The following TFDP2 variants were observed in gnomAD, a reference collection of about 807,000 sequenced individuals.
TFDP2 encodes transcription factor Dp-2 (E2F dimerization partner 2).
In TFDP2, 17 loss-of-function variants were observed where a neutral mutation model predicts 59.3. The ratio of observed to expected loss-of-function variants is 0.29; its 90% confidence interval spans 0.20 to 0.43. The LOEUF (loss-of-function observed/expected upper bound fraction) is 0.43, where lower values mean the gene tolerates loss of function less well. Among genes scored for constraint, TFDP2 ranks in the 20% least tolerant of loss-of-function variants. The pLI, the probability that TFDP2 is intolerant of heterozygous loss-of-function variation, is 1.00. For synonymous variants in TFDP2, 180 were observed against 194.7 expected (o/e 0.92, Z 0.63); for missense variants, 391 against 528.8 (o/e 0.74, Z 2.56).
chr3:142,029,770 A>T (rs1417383220), intron 3 of TFDP2, among the ~76,000 whole-genome samples: 1 of 152,234 alleles, frequency 6.6e-6, no homozygotes, highest in Non-Finnish European at 1.5e-5. Flanking sequence ...CAAACACTCC[A>T]ATCAACAACA....
chr3:142,002,317 G>GTTTTTT (rs750047190), intron 4 of TFDP2, among the ~76,000 whole-genome samples: 21 of 106,834 alleles, frequency 2.0e-4, no homozygotes, highest in East Asian at 2.7e-4. Flanking sequence ...TATTTTTAGT[G>GTTTTTT]TTTTTTTTTT....
At chr3:141,974,294 G>T in intron 7 of TFDP2, 103 bp from the exon 8 acceptor site, 1 of 1,037,750 alleles carries the variant, frequency 9.6e-7, no homozygotes, top group Non-Finnish European at 1.3e-6. Flanking sequence ...AGTGCTGGAA[G>T]GATTCTATTT....
At chr3:142,050,336 CA>C (rs1322507987) in intron 3 of TFDP2, among the ~76,000 whole-genome samples, 2 of 151,820 alleles carry the variant, frequency 1.3e-5, no homozygotes, top group African/African-American at 4.8e-5. Flanking sequence ...ACTCTTATCC[CA>C]GACACCTATC....
chr3:142,137,281 G>A (rs1353161934), intron 1 of TFDP2, among the ~76,000 whole-genome samples: 2 of 152,172 alleles, frequency 1.3e-5, no homozygotes, highest in East Asian at 1.9e-4. Context: ...GAGGTTTTGG[G>A]CTGAGACGAT....
chr3:141,968,385 T>TATATATAATATATATATC (rs1938554496), intron 9 of TFDP2, among the ~76,000 whole-genome samples: 2 of 113,360 alleles, frequency 1.8e-5, no homozygotes, highest in Admixed American at 1.1e-4. Context: ...ATATATCTCA[T>TATATATAATATATATATC]ATATATAACA....
At chr3:142,069,210 G>A (rs1576896338) in intron 3 of TFDP2, among the ~76,000 whole-genome samples, 3 of 152,160 alleles carry the variant, frequency 2.0e-5, no homozygotes, top group East Asian at 1.9e-4. Context: ...CACCGCGCGC[G>A]GTTTCTTTTG....
intron 3 of TFDP2, among the ~76,000 whole-genome samples, chr3:142,069,383 T>C (rs1322698964): frequency 6.6e-6 from 1 of 152,228 alleles, no homozygotes; most frequent in Non-Finnish European, 1.5e-5. Context: ...TATTACATAT[T>C]ATACTGTAAA....
intron 4 of TFDP2, among the ~76,000 whole-genome samples, chr3:141,996,392 A>G (rs1472823715): frequency 6.6e-6 from 1 of 152,202 alleles, no homozygotes; most frequent in Non-Finnish European, 1.5e-5. Context: ...TAAAGTTTTG[A>G]AAGTGTTCAT....
chr3:142,047,151 G>C (rs539123697), intron 3 of TFDP2, among the ~76,000 whole-genome samples: 367 of 152,258 alleles, frequency 2.4e-3, no homozygotes, highest in African/African-American at 8.1e-3. Flanking sequence ...ACTTCCAATA[G>C]ATGTGAAGTT....
At chr3:141,964,083 G>A (rs1937603706) in intron 9 of TFDP2, 120 bp from the exon 10 acceptor site, 1 of 795,396 alleles carries the variant, frequency 1.3e-6, no homozygotes, top group Admixed American at 3.2e-5. Flanking sequence ...CATCCCGCCT[G>A]CACTAATGAA....
intron 8 of TFDP2, among the ~76,000 whole-genome samples, chr3:141,973,660 G>A (rs1940176143): frequency 6.8e-6 from 1 of 147,616 alleles, no homozygotes; most frequent in Non-Finnish European, 1.5e-5. Flanking sequence ...AACCAATAAA[G>A]GAAATAAACA....
intron 6 of TFDP2, among the ~76,000 whole-genome samples, chr3:141,986,174 T>C (rs1942077364): frequency 6.6e-6 from 1 of 152,212 alleles, no homozygotes; most frequent in South Asian, 2.1e-4. Flanking sequence ...AAAGCTTTCC[T>C]TTTCTTCTTA....
At chr3:142,034,856 C>T (rs537464584) in intron 3 of TFDP2, among the ~76,000 whole-genome samples, 3 of 152,128 alleles carry the variant, frequency 2.0e-5, no homozygotes, top group Non-Finnish European at 2.9e-5. Context: ...TACAGGCACC[C>T]GCCACCACAC....
intron 6 of TFDP2, among the ~76,000 whole-genome samples, chr3:141,980,991 T>C (rs1941428320): frequency 6.6e-6 from 1 of 152,196 alleles, no homozygotes; most frequent in Non-Finnish European, 1.5e-5. Flanking sequence ...GTAGCCTAAG[T>C]ATACAGTGAT....
chr3:142,065,710 G>A (rs182322128), intron 3 of TFDP2, among the ~76,000 whole-genome samples: 12 of 150,268 alleles, frequency 8.0e-5, no homozygotes, highest in African/African-American at 2.2e-4. Context: ...AGGAGGTTTC[G>A]CCATGTTGGC....
chr3:142,039,874 A>G (rs1057464442), intron 3 of TFDP2, among the ~76,000 whole-genome samples: 4 of 152,148 alleles, frequency 2.6e-5, no homozygotes, highest in African/African-American at 9.7e-5. Context: ...ACCATCTGGT[A>G]CCCCAGGCTC....
intron 7 of TFDP2, among the ~76,000 whole-genome samples, chr3:141,976,176 G>A (rs1419582696): frequency 6.6e-6 from 1 of 152,178 alleles, no homozygotes; most frequent in Non-Finnish European, 1.5e-5. Context: ...ACTGCACCCG[G>A]CCTATAGTAG....
At chr3:141,992,279 T>A (rs1942862052) in intron 6 of TFDP2, among the ~76,000 whole-genome samples, 1 of 150,684 alleles carries the variant, frequency 6.6e-6, no homozygotes, top group Non-Finnish European at 1.5e-5. Context: ...AAAAAAAAAA[T>A]GCTAGGAAAA....
chr3:142,013,932 T>A (rs538499895), intron 3 of TFDP2, among the ~76,000 whole-genome samples: 31 of 151,564 alleles, frequency 2.0e-4, no homozygotes, highest in African/African-American at 3.9e-4. Context: ...CTGAAAAAAA[T>A]TTTTTTTTGC....
Sources: allele counts gnomAD v4.1 joint callset (sites outside exome capture counted in the v4.1 genomes callset), GRCh38; gene constraint gnomAD v4.1.1; transcripts MANE v1.5; gene names NCBI Gene and HGNC (gene_info 2026-07-23, HGNC 2026-07-21).